The following IL1RAPL1 variants were observed in gnomAD, a reference collection of about 807,000 sequenced individuals.
The protein encoded by IL1RAPL1 is interleukin 1 receptor accessory protein like 1.
A neutral mutation model predicts 48.4 loss-of-function variants in IL1RAPL1; 3 were observed. The observed-to-expected ratio is 0.06, with a 90% CI of 0.03 to 0.16. The LOEUF is 0.16. Among genes scored for constraint, IL1RAPL1 ranks in the 10% least tolerant of loss-of-function variants. The probability of loss-of-function intolerance (pLI) is 1.00; values close to 1 mark genes in which losing one functional copy is unlikely to be tolerated. For missense variants in IL1RAPL1, 349 were observed against 530.6 expected, an observed-to-expected ratio of 0.66 and a Z score of 3.36; for synonymous variants, 185 against 187.7, an observed-to-expected ratio of 0.99 and a Z score of 0.12.
At position 29,824,684 on chromosome X, in the gene IL1RAPL1, A is replaced by G. The variant is rs140972648; in HGVS notation, c.779-92780A>G. ...GCAAGTTATGTTTGCAATCTTAAAA[A>G]AGGAAGTGTCTCAGTGAAGGGGAAA... On this transcript the variant is annotated intron_variant, in intron 6 of 10. Coordinates refer to ENST00000378993, the MANE Select transcript of IL1RAPL1 (RefSeq NM_014271.4). 3.7e-4 allele frequency among the ~76,000 whole-genome samples: 42 copies of G among 112,107 alleles called. No individual in the cohort carries two copies. In the East Asian group the frequency reaches 0.011, roughly 28 times the overall value.
chrX:29,135,894 G>A (rs1226154877), intron 2 of IL1RAPL1, among the ~76,000 whole-genome samples: 13 of 109,641 alleles, frequency 1.2e-4, no homozygotes, highest in Non-Finnish European at 1.9e-4. Flanking sequence ...ACGCCACCAC[G>A]CCTGGCTAAT....
intron 6 of IL1RAPL1, among the ~76,000 whole-genome samples, chrX:29,899,318 TAAC>T (rs1286686835): frequency 9.0e-6 from 1 of 110,773 alleles, no homozygotes; most frequent in Non-Finnish European, 1.9e-5. Context: ...TAAACAATAA[TAAC>T]AAAAAAATCT....
chrX:29,940,616 G>A (rs779342884), intron 8 of IL1RAPL1, among the ~76,000 whole-genome samples: 4 of 112,057 alleles, frequency 3.6e-5, no homozygotes, highest in African/African-American at 9.7e-5. Context: ...AACGCTTAAA[G>A]TGAGTTTCAA....
At chrX:29,233,271 G>A (rs1217598954) in intron 2 of IL1RAPL1, among the ~76,000 whole-genome samples, 2 of 110,431 alleles carry the variant, frequency 1.8e-5, no homozygotes, top group Non-Finnish European at 3.8e-5. Flanking sequence ...TCTTCCCCCA[G>A]CGCTACATCT....
At chrX:29,821,483 C>A (rs865998592) in intron 6 of IL1RAPL1, among the ~76,000 whole-genome samples, 1 of 64,468 alleles carries the variant, frequency 1.6e-5, no homozygotes, top group South Asian at 6.2e-4. Flanking sequence ...TAAAATAAAA[C>A]AACAACAACA....
At chrX:29,287,056 C>T (rs1212258235) in intron 3 of IL1RAPL1, among the ~76,000 whole-genome samples, 2 of 110,632 alleles carry the variant, frequency 1.8e-5, no homozygotes, top group African/African-American at 6.6e-5. Flanking sequence ...CTCAAGGGCC[C>T]CTCCTATTGT....
At chrX:29,096,485 G>A (rs1159013507) in intron 2 of IL1RAPL1, among the ~76,000 whole-genome samples, 2 of 111,106 alleles carry the variant, frequency 1.8e-5, no homozygotes, top group Non-Finnish European at 3.8e-5. Flanking sequence ...TATAATGTAA[G>A]GTCAGTTGCC....
intron 2 of IL1RAPL1, among the ~76,000 whole-genome samples, chrX:28,799,261 T>G (rs747322859): frequency 4.4e-5 from 5 of 112,380 alleles, no homozygotes; most frequent in African/African-American, 9.7e-5. Flanking sequence ...AATAGTAAGG[T>G]CTTTGTGACT....
intron 5 of IL1RAPL1, among the ~76,000 whole-genome samples, chrX:29,555,956 T>C (rs1023544746): frequency 5.3e-5 from 6 of 112,255 alleles, no homozygotes; most frequent in African/African-American, 1.9e-4. Flanking sequence ...ATCAGAGACC[T>C]TGCTTGGCTA....
intron 2 of IL1RAPL1, among the ~76,000 whole-genome samples, chrX:28,885,502 G>A (rs1417385068): frequency 1.8e-5 from 2 of 111,356 alleles, no homozygotes; most frequent in African/African-American, 6.5e-5. Context: ...CTCTCAAGTT[G>A]AACATAGAAG....
At chrX:29,548,690 A>G (rs1921709402) in intron 5 of IL1RAPL1, among the ~76,000 whole-genome samples, 1 of 112,113 alleles carries the variant, frequency 8.9e-6, no homozygotes, top group East Asian at 2.8e-4. Context: ...AAAGTTCTCA[A>G]TAACAACCCT....
At chrX:29,915,714 CTTTTTTTTTT>C (rs201364121) in intron 6 of IL1RAPL1, among the ~76,000 whole-genome samples, 7 of 54,302 alleles carry the variant, frequency 1.3e-4, no homozygotes, top group Non-Finnish European at 1.7e-4. Flanking sequence ...TGGTAATATT[CTTTTTTTTTT>C]TTTTTTTTTG....
chrX:28,812,275 CAA>C (rs1936801565), intron 2 of IL1RAPL1, among the ~76,000 whole-genome samples: 1 of 110,258 alleles, frequency 9.1e-6, no homozygotes, highest in Admixed American at 9.7e-5. Flanking sequence ...AATCAGAAAA[CAA>C]ATAATTTAAC....
At chrX:29,364,589 A>G (rs1448480176) in intron 3 of IL1RAPL1, among the ~76,000 whole-genome samples, 2 of 107,285 alleles carry the variant, frequency 1.9e-5, no homozygotes, top group Non-Finnish European at 3.9e-5. Flanking sequence ...AAAAAGAAAA[A>G]ATATTTGGAA....
intron 5 of IL1RAPL1, among the ~76,000 whole-genome samples, chrX:29,634,497 T>G (rs1004590393): frequency 9.1e-5 from 10 of 110,312 alleles, no homozygotes; most frequent in Admixed American, 6.8e-4. Flanking sequence ...TGGTGTAGAC[T>G]CCCTCCTACC....
chrX:29,424,044 A>C (rs1199315020), intron 5 of IL1RAPL1, among the ~76,000 whole-genome samples: 1 of 111,628 alleles, frequency 9.0e-6, no homozygotes, highest in Non-Finnish European at 1.9e-5. Context: ...AATAGGGTGC[A>C]AGATGAAAAG....
At position 28,945,514 on chromosome X, in the gene IL1RAPL1, A is replaced by G. The variant is rs141218221; in HGVS notation, c.82+156089A>G. 9.4e-3 allele frequency among the ~76,000 whole-genome samples: 1,042 copies of G among 110,881 alleles called. 7 individuals carry two copies. Among genetic ancestry groups the G allele is most frequent in the Non-Finnish European group, 0.016 (836 of 52,897 alleles). On this transcript the variant is annotated intron_variant, in intron 2 of 10. Transcript: ENST00000378993. ...CTATCACAGGAACAGAAAGCCAAAT[A>G]ACACATGTTCTCACTCATAAATGGG...
intron 6 of IL1RAPL1, among the ~76,000 whole-genome samples, chrX:29,821,294 C>T: frequency 9.2e-6 from 1 of 108,983 alleles, no homozygotes; most frequent in South Asian, 4.1e-4. Context: ...CTAAAAAATA[C>T]AAAAAATTAG....
chrX:29,335,489 A>G (rs1313047201), intron 3 of IL1RAPL1, among the ~76,000 whole-genome samples: 2 of 109,865 alleles, frequency 1.8e-5, no homozygotes, highest in African/African-American at 6.6e-5. Context: ...TAAATGAAAC[A>G]ACTCTTTATC....
Sources: gnomAD v4.1 joint callset for allele counts (sites outside exome capture counted in the v4.1 genomes callset) on GRCh38, gnomAD v4.1.1 for gene constraint, MANE v1.5 for transcripts, NCBI Gene and HGNC (gene_info 2026-07-23, HGNC 2026-07-21) for gene names.